The following SYT16 variants were observed in gnomAD, a reference collection of about 807,000 sequenced individuals.
SYT16 encodes synaptotagmin-16.
In SYT16, 42 loss-of-function variants were observed where a neutral mutation model predicts 61.4. That is an observed-to-expected ratio of 0.68 (90% CI 0.53 to 0.89). The LOEUF (loss-of-function observed/expected upper bound fraction) is 0.89, where lower values mean the gene tolerates loss of function less well. Among genes scored for constraint, SYT16 ranks in the 40% least tolerant of loss-of-function variants. The probability of loss-of-function intolerance (pLI) is 0.00; values close to 1 mark genes in which losing one functional copy is unlikely to be tolerated. For synonymous variants in SYT16, 314 were observed against 302.3 expected, an observed-to-expected ratio of 1.04 and a Z score of -0.40; for missense variants, 804 against 807.3, an observed-to-expected ratio of 1.00 and a Z score of 0.05.
At chr14:61,910,848 G>C (rs1467045792) in intron 1 of SYT16, among the ~76,000 whole-genome samples, 1 of 152,160 alleles carries the variant, frequency 6.6e-6, no homozygotes, top group East Asian at 1.9e-4. Context: ...CTTTAAATCT[G>C]TTCCAAAGCT....
chr14:61,975,135 A>G (rs2051731458), intron 2 of SYT16, among the ~76,000 whole-genome samples: 1 of 152,262 alleles, frequency 6.6e-6, no homozygotes, highest in South Asian at 2.1e-4. Flanking sequence ...TAAACCCATC[A>G]TAAATTGAGA....
At chr14:61,913,733 T>TGTGTGTGTGA (rs2049018304) in intron 1 of SYT16, among the ~76,000 whole-genome samples, 1 of 151,530 alleles carries the variant, frequency 6.6e-6, no homozygotes, top group Admixed American at 6.6e-5. Flanking sequence ...TGTGTGTGTG[T>TGTGTGTGTGA]GAAATAAAAC....
Position 62,111,043 on chromosome 14 carries a change from C to T in SYT16, c.*10336C>T, listed in dbSNP as rs1440738963. The T allele has an allele frequency of 6.6e-6, 1 of 151,994 alleles. No homozygotes were observed. The highest frequency in any genetic ancestry group is 6.6e-5 in the Admixed American group (1 of 15,248). 9.4% of individuals were successfully genotyped at this position (151,994 alleles called of 1,614,324 possible). ...CATTTTTAAGGTACATCCAAGATTT[C>T]ATAGCAATATTTTATTTGTGTTCAC... is the stretch of plus-strand genomic sequence containing the variant. On this transcript the variant is annotated 3_prime_UTR_variant, in exon 8 of 8. Coordinates refer to ENST00000683842, the MANE Select transcript of SYT16 (RefSeq NM_001367656.1).
At chr14:62,038,700 T>C (rs929006129) in intron 3 of SYT16, among the ~76,000 whole-genome samples, 2 of 152,150 alleles carry the variant, frequency 1.3e-5, no homozygotes, top group African/African-American at 4.8e-5. Flanking sequence ...GCATTTGTAC[T>C]TTGTGTTGAC....
At chr14:61,905,982 C>G (rs1251137347) in intron 1 of SYT16, among the ~76,000 whole-genome samples, 1 of 152,128 alleles carries the variant, frequency 6.6e-6, no homozygotes, top group African/African-American at 2.4e-5. Context: ...GTCTTGAGCT[C>G]TTGACCTCGT....
intron 1 of SYT16, among the ~76,000 whole-genome samples, chr14:61,903,312 G>A (rs564807700): frequency 1.3e-5 from 2 of 151,830 alleles, no homozygotes; most frequent in African/African-American, 4.8e-5. Context: ...GTAACCCCTG[G>A]CTATTTTGTA....
At chr14:62,066,546 C>T (rs1221957675) in intron 3 of SYT16, among the ~76,000 whole-genome samples, 1 of 152,200 alleles carries the variant, frequency 6.6e-6, no homozygotes, top group Non-Finnish European at 1.5e-5. Context: ...CATGTTTTGA[C>T]CAGGCTGGTG....
intron 1 of SYT16, among the ~76,000 whole-genome samples, chr14:61,910,052 CAG>C (rs2048868130): frequency 6.6e-6 from 1 of 152,182 alleles, no homozygotes; most frequent in Admixed American, 6.5e-5. Flanking sequence ...TTTTACAGAA[CAG>C]AAGCTGTCTG....
intron 1 of SYT16, among the ~76,000 whole-genome samples, chr14:61,924,731 A>G (rs2049466643): frequency 6.6e-6 from 1 of 152,212 alleles, no homozygotes; most frequent in South Asian, 2.1e-4. Flanking sequence ...ATTATGTAAA[A>G]TGGCAATGAT....
intron 3 of SYT16, among the ~76,000 whole-genome samples, chr14:62,033,439 T>C (rs2054382766): frequency 6.6e-6 from 1 of 152,154 alleles, no homozygotes; most frequent in South Asian, 2.1e-4. Flanking sequence ...TACTTGGTTA[T>C]AAAAAAGGAT....
intron 1 of SYT16, among the ~76,000 whole-genome samples, chr14:61,907,816 G>C (rs548260505): frequency 5.3e-5 from 8 of 152,354 alleles, no homozygotes; most frequent in Admixed American, 5.2e-4. Context: ...CATCCTAAAG[G>C]CTGACTGGCT....
intron 1 of SYT16, among the ~76,000 whole-genome samples, chr14:61,856,415 T>C (rs939718085): frequency 6.6e-6 from 1 of 152,204 alleles, no homozygotes; most frequent in Non-Finnish European, 1.5e-5. Context: ...TTTATACATA[T>C]GCACATATAC....
intron 1 of SYT16, among the ~76,000 whole-genome samples, chr14:61,879,694 G>A (rs2047628412): frequency 6.6e-6 from 1 of 152,104 alleles, no homozygotes; most frequent in Non-Finnish European, 1.5e-5. Flanking sequence ...CATTGTCTAT[G>A]ATCCCCTTTC....
At chr14:62,096,501 A>G (rs557165266) in intron 7 of SYT16, among the ~76,000 whole-genome samples, 9 of 152,254 alleles carry the variant, frequency 5.9e-5, no homozygotes, top group South Asian at 4.1e-4. Context: ...ATACATTGGA[A>G]CATTACACAC....
intron 3 of SYT16, among the ~76,000 whole-genome samples, chr14:62,037,975 T>C (rs2054575334): frequency 6.6e-6 from 1 of 152,184 alleles, no homozygotes; most frequent in Admixed American, 6.5e-5. Flanking sequence ...GCATCAGGCT[T>C]GAGCCTGGCA....
intron 3 of SYT16, among the ~76,000 whole-genome samples, chr14:62,049,324 G>T (rs1456303320): frequency 6.6e-6 from 1 of 151,974 alleles, no homozygotes; most frequent in East Asian, 1.9e-4. Context: ...TTTTCCATTT[G>T]CTTGGTAGAT....
chr14:61,859,084 C>T (rs1478227915), intron 1 of SYT16, among the ~76,000 whole-genome samples: 4 of 151,848 alleles, frequency 2.6e-5, no homozygotes, highest in Non-Finnish European at 5.9e-5. Context: ...TGGTCTTGAT[C>T]TCCTGACCTC....
intron 1 of SYT16, among the ~76,000 whole-genome samples, chr14:61,874,768 ATTTTT>A (rs112967075): frequency 3.1e-4 from 44 of 141,810 alleles, no homozygotes; most frequent in South Asian, 1.2e-3. Context: ...ATGCAGCAAG[ATTTTT>A]TTTTTTTTTT....
chr14:61,964,948 T>C (rs1243243568), intron 1 of SYT16, among the ~76,000 whole-genome samples: 1 of 152,102 alleles, frequency 6.6e-6, no homozygotes. Flanking sequence ...TGCACATGGT[T>C]TTTTAAAGAT....
Sources: gnomAD v4.1 joint callset for allele counts (sites outside exome capture counted in the v4.1 genomes callset) on GRCh38, gnomAD v4.1.1 for gene constraint, MANE v1.5 for transcripts, NCBI Gene and HGNC (gene_info 2026-07-23, HGNC 2026-07-21) for gene names.